Variants in SLC35F5 observed in about 807,000 individuals in gnomAD.
SLC35F5 encodes HCV NS5A-transactivated protein 3.
SLC35F5 carries 54 observed loss-of-function variants against 68.6 expected under a neutral mutation model. The observed-to-expected ratio is 0.79, with a 90% CI of 0.63 to 0.99. The LOEUF (loss-of-function observed/expected upper bound fraction) is 0.99. Ranked by LOEUF, SLC35F5 falls within the 50% of genes least tolerant of loss-of-function variation. SLC35F5 has a pLI of 0.00. For synonymous variants in SLC35F5, 211 were observed against 205.2 expected (o/e 1.03, Z -0.24); for missense variants, 567 against 626.9 (o/e 0.90, Z 1.02).
chr2:113,714,906 T>G lies in SLC35F5; in HGVS notation c.*312A>C, dbSNP rs559713323. On this transcript the variant is annotated 3_prime_UTR_variant, in exon 16 of 16. Transcript: ENST00000245680. ...AAATAAAGTCCCAGAACATTAGGAT[T>G]TATTCCTTGATTAGTTCAAATGATT... is the stretch of plus-strand genomic sequence containing the variant. 1 of 152,726 alleles carries G rather than the reference T, an allele frequency of 6.5e-6. No homozygotes were observed. Among genetic ancestry groups the G allele is most frequent in the East Asian group, 1.9e-4 (1 of 5,184 alleles). 9.5% of individuals were successfully genotyped at this position (152,726 alleles called of 1,614,324 possible).
Position 113,725,451 on chromosome 2 carries a change from T to C in SLC35F5, c.1177A>G (p.Asn393Asp). The C allele has an allele frequency of 6.2e-7, 1 of 1,611,644 alleles. No individual in the cohort carries two copies. Among genetic ancestry groups the C allele is most frequent in the South Asian group, 1.1e-5 (1 of 90,362 alleles). ...ATAATGCACATTAATACTACTTTAT[T>C]GGGAAACTCGAAGTCCTCAAATCCA... ...YTGFEDFEFP[N>D]KVVLMCIIIN... Residue 393 changes from asparagine (N) to aspartate (D), a missense_variant, in exon 12 of 16, where the codon AAT (asparagine) becomes GAT (aspartate). Transcript: ENST00000245680.
At chr2:113,750,686 A>G (rs1676700622) in intron 3 of SLC35F5, 118 bp from the exon 4 acceptor site, 2 of 880,794 alleles carry the variant, frequency 2.3e-6, no homozygotes, top group Non-Finnish European at 3.2e-6. Flanking sequence ...GGAAAGAAAA[A>G]GTCAAAGCGA....
chr2:113,729,650 A>G, intron 10 of SLC35F5, 145 bp from the exon 11 acceptor site: 1 of 585,324 alleles, frequency 1.7e-6, no homozygotes. Flanking sequence ...ATATTGATAT[A>G]AAGATATATA....
intron 3 of SLC35F5, 62 bp from the exon 4 acceptor site, chr2:113,750,630 C>T: frequency 2.2e-6 from 3 of 1,354,794 alleles, no homozygotes; most frequent in Non-Finnish European, 2.9e-6. Flanking sequence ...TACTCATCTC[C>T]AAAATAAAGT....
In SLC35F5 at chr2:113,756,475, T is replaced by A; in HGVS notation, c.-66A>T. ...CCGCGGCCTCGGACTCACAGAGCTG[T>A]CACCGCGCCTGACATCGCGCCGCAC... On this transcript the variant is annotated 5_prime_UTR_variant, in exon 1 of 16. Coordinates refer to ENST00000245680, the MANE Select transcript of SLC35F5 (RefSeq NM_025181.5). 6.5e-7 allele frequency: 1 copy of A among 1,529,312 alleles called. No individual in the cohort carries two copies. The highest frequency in any genetic ancestry group is 8.8e-7 in the Non-Finnish European group (1 of 1,141,472). The allele number at this position is 1,529,312 out of a possible 1,614,324, so 94.7% of individuals were successfully genotyped here.
Position 113,755,321 on chromosome 2 carries a change from A to G in SLC35F5, c.132-15T>C. On this transcript the variant is annotated splice_polypyrimidine_tract_variant and intron_variant, in intron 2 of 15. Coordinates refer to ENST00000245680, the MANE Select transcript of SLC35F5 (RefSeq NM_025181.5). ...CCATTTGCAGTCTGTTTTTTAGAAA[A>G]TACAGATCACATTAGAGATGATTTT... is the stretch of plus-strand genomic sequence containing the variant. The G allele has an allele frequency of 1.9e-6, 3 of 1,613,584 alleles. No homozygotes were observed. Among genetic ancestry groups the G allele is most frequent in the Non-Finnish European group, 2.5e-6 (3 of 1,179,574 alleles).
At chr2:113,755,912 T>A in intron 1 of SLC35F5, 1 of 1,550,578 alleles carries the variant, frequency 6.4e-7, no homozygotes, top group South Asian at 1.2e-5. Flanking sequence ...TTTCTAAAAG[T>A]GTCTTTTCTG....
chr2:113,754,170 A>G (rs1676870507), intron 3 of SLC35F5, among the ~76,000 whole-genome samples: 2 of 151,842 alleles, frequency 1.3e-5, no homozygotes, highest in Admixed American at 1.3e-4. Context: ...TGTGCCTGTA[A>G]TCCCAGCTAT....
intron 6 of SLC35F5, 116 bp downstream of exon 6, chr2:113,743,597 A>G: frequency 1.5e-6 from 1 of 665,596 alleles, no homozygotes; most frequent in East Asian, 2.6e-5. Context: ...CTATAGGCTG[A>G]GTCAAGACCA....
At chr2:113,726,599 C>CTGATGCTAAAG (rs1687674124) in intron 11 of SLC35F5, among the ~76,000 whole-genome samples, 1 of 152,152 alleles carries the variant, frequency 6.6e-6, no homozygotes, top group African/African-American at 2.4e-5. Context: ...CAGGAGCACC[C>CTGATGCTAAAG]ACTCTCTGTC....
chr2:113,717,273 C>T (rs1687217287), intron 15 of SLC35F5, among the ~76,000 whole-genome samples: 1 of 152,184 alleles, frequency 6.6e-6, no homozygotes, highest in Admixed American at 6.5e-5. Flanking sequence ...AGGATAAACA[C>T]TGTGCCAGTT....
At chr2:113,737,432 G>T (rs1485911643) in intron 7 of SLC35F5, among the ~76,000 whole-genome samples, 1 of 152,102 alleles carries the variant, frequency 6.6e-6, no homozygotes, top group African/African-American at 2.4e-5. Flanking sequence ...CAATTGATGG[G>T]CAATATCAAA....
chr2:113,746,376 C>A lies in SLC35F5; in HGVS notation c.418-37G>T, dbSNP rs745695545. On this transcript the variant is annotated intron_variant, in intron 4 of 15. Transcript: ENST00000245680. ...TAACAAGATACAAAATTCAATGAAA[C>A]TTACATTATACTGTAGGACTAGTCA... 7.8e-6 allele frequency: 12 copies of A among 1,541,500 alleles called. No individual in the cohort carries two copies. The African/African-American group carries it at 1.4e-4, about 17-fold the overall frequency.
In SLC35F5 at chr2:113,710,813, T is replaced by G. The variant is rs1424672122; in HGVS notation, c.*4405A>C. On this transcript the variant is annotated 3_prime_UTR_variant, in exon 16 of 16. Coordinates refer to ENST00000245680, the MANE Select transcript of SLC35F5 (RefSeq NM_025181.5). The stretch of plus-strand genomic sequence containing the variant: ...TCATCTCATGTCAAAAATAAGACTC[T>G]TGGACAGAAATCTTCTGCCTGCCTT... Among the ~76,000 whole-genome samples, 2 of 151,922 alleles carry G rather than the reference T, an allele frequency of 1.3e-5. No homozygotes were observed. Among genetic ancestry groups the G allele is most frequent in the South Asian group, 2.1e-4 (1 of 4,820 alleles).
intron 6 of SLC35F5, 34 bp from the exon 7 acceptor site, chr2:113,742,913 A>C: frequency 1.3e-6 from 2 of 1,568,652 alleles, no homozygotes; most frequent in South Asian, 2.3e-5. Flanking sequence ...AAATAATTAA[A>C]TAATTCCTCT....
intron 11 of SLC35F5, among the ~76,000 whole-genome samples, chr2:113,726,977 G>A (rs1687689732): frequency 6.6e-6 from 1 of 152,042 alleles, no homozygotes; most frequent in South Asian, 2.1e-4. Flanking sequence ...AACTATTATG[G>A]TTTGGCTCTG....
At position 113,709,578 on chromosome 2, in the gene SLC35F5, G is replaced by T. The variant is rs1217178248; in HGVS notation, c.*5640C>A. Among the ~76,000 whole-genome samples the T allele has an allele frequency of 6.6e-6, 1 of 152,168 alleles. No homozygotes were observed. The highest frequency in any genetic ancestry group is 1.5e-5 in the Non-Finnish European group (1 of 68,040). ...TCCACTTCACAGCTAAGTAAATGCGGATCTACCAGATTGAATAATCTCCCC... is the reference window on the plus strand; with the variant it reads ...TCCACTTCACAGCTAAGTAAATGCGTATCTACCAGATTGAATAATCTCCCC... On this transcript the variant is annotated 3_prime_UTR_variant, in exon 16 of 16. Coordinates refer to ENST00000245680, the MANE Select transcript of SLC35F5 (RefSeq NM_025181.5).
At chr2:113,755,350 A>C (rs1676931136) in intron 2 of SLC35F5, 44 bp from the exon 3 acceptor site, 1 of 1,608,106 alleles carries the variant, frequency 6.2e-7, no homozygotes, top group Non-Finnish European at 8.5e-7. Context: ...TGATTTTAGA[A>C]AAACAACCAT....
intron 4 of SLC35F5, among the ~76,000 whole-genome samples, chr2:113,749,434 G>T (rs1295849435): frequency 6.6e-6 from 1 of 152,154 alleles, no homozygotes; most frequent in South Asian, 2.1e-4. Flanking sequence ...CAGGATTCAA[G>T]GTTACAGCAA....
Sources: gnomAD v4.1 joint callset for allele counts (sites outside exome capture counted in the v4.1 genomes callset) on GRCh38, gnomAD v4.1.1 for gene constraint, MANE v1.5 for transcripts, NCBI Gene and HGNC (gene_info 2026-07-23, HGNC 2026-07-21) for gene names.